The following ASPHD2 variants were observed in gnomAD, a reference collection of about 807,000 sequenced individuals.
ASPHD2 encodes aspartate beta-hydroxylase domain-containing protein 2.
A neutral mutation model predicts 34.6 loss-of-function variants in ASPHD2; 12 were observed. The observed-to-expected ratio is 0.35, with a 90% CI of 0.22 to 0.56. The LOEUF (loss-of-function observed/expected upper bound fraction) is 0.56. Ranked by LOEUF, ASPHD2 falls within the 20% of genes least tolerant of loss-of-function variation. The pLI is 0.87. For missense variants in ASPHD2, 375 were observed against 505.0 expected (o/e 0.74, Z 2.47); for synonymous variants, 224 against 212.2 (o/e 1.06, Z -0.48).
chr22:26,430,723 G>T (rs1446414252), intron 1 of ASPHD2, among the ~76,000 whole-genome samples: 2 of 152,216 alleles, frequency 1.3e-5, no homozygotes, highest in Non-Finnish European at 2.9e-5. Flanking sequence ...ACCTCCGGGT[G>T]CAGGGGCCTG....
At chr22:26,440,693 CCTTAG>C (rs1454208249) in intron 2 of ASPHD2, among the ~76,000 whole-genome samples, 1 of 152,164 alleles carries the variant, frequency 6.6e-6, no homozygotes, top group Non-Finnish European at 1.5e-5. Context: ...TAAGCCATTA[CCTTAG>C]AAGTGTCCTC....
chr22:26,442,372 C>T (rs2084854533), intron 2 of ASPHD2, 87 bp from the exon 3 acceptor site: 18 of 1,011,838 alleles, frequency 1.8e-5, no homozygotes, highest in Non-Finnish European at 2.5e-5. Context: ...AAGTCAAAAA[C>T]TCTCAGTAAG....
At chr22:26,439,329 G>T (rs2084821282) in intron 2 of ASPHD2, among the ~76,000 whole-genome samples, 1 of 152,136 alleles carries the variant, frequency 6.6e-6, no homozygotes. Context: ...AACCCAAGAG[G>T]CAGAGGCTGC....
intron 2 of ASPHD2, among the ~76,000 whole-genome samples, chr22:26,438,564 TACAC>T (rs1284612598): frequency 5.9e-5 from 8 of 135,080 alleles, no homozygotes; most frequent in East Asian, 2.2e-4. Context: ...CATACATATA[TACAC>T]ATACATATAT....
rs779139697 is a variant in ASPHD2, at chr22:26,433,893, T to C, written c.278T>C (p.Met93Thr). Residue 93 changes from methionine (M) to threonine (T), a missense_variant, in exon 2 of 4, where the codon ATG becomes ACG. Met to Thr is a moderately conservative substitution (Grantham distance 81, BLOSUM62 -1). Coordinates refer to ENST00000215906, the MANE Select transcript of ASPHD2 (RefSeq NM_020437.5). The surrounding 1 kb of genome is among the most constrained non-coding windows in gnomAD (Gnocchi z 5.1). Reference protein sequence around the residue: ...PRPYVSVNSLMQAADANGLQN... With the variant: ...PRPYVSVNSLTQAADANGLQN... Reference sequence around the variant, plus strand: ...CCCTACGTCTCCGTCAACTCCCTCATGCAGGCTGCCGATGCCAACGGGCTG... The same window carrying C: ...CCCTACGTCTCCGTCAACTCCCTCACGCAGGCTGCCGATGCCAACGGGCTG... The C allele has an allele frequency of 1.9e-6, 3 of 1,613,750 alleles. No individual in the cohort carries two copies. The highest frequency in any genetic ancestry group is 2.5e-6 in the Non-Finnish European group (3 of 1,180,032).
chr22:26,435,684 G>C (rs374516636), intron 2 of ASPHD2, among the ~76,000 whole-genome samples: 1 of 151,670 alleles, frequency 6.6e-6, no homozygotes, highest in South Asian at 2.1e-4. Flanking sequence ...AGTAAGATGT[G>C]GTTTGGATGG....
At chr22:26,441,465 A>C (rs886775667) in intron 2 of ASPHD2, among the ~76,000 whole-genome samples, 1 of 137,998 alleles carries the variant, frequency 7.2e-6, no homozygotes, top group South Asian at 2.5e-4. Context: ...GCAACAGAAC[A>C]AGACCTTGTA....
chr22:26,431,167 G>C (rs1022314297), intron 1 of ASPHD2, among the ~76,000 whole-genome samples: 1 of 152,198 alleles, frequency 6.6e-6, no homozygotes, highest in Non-Finnish European at 1.5e-5. Context: ...TTTAGTAAAA[G>C]TGCTTGGTGT....
intron 2 of ASPHD2, 22 bp downstream of exon 2, chr22:26,434,523 C>A: frequency 6.5e-7 from 1 of 1,543,314 alleles, no homozygotes; most frequent in South Asian, 1.2e-5. Context: ...GGACAGGGGT[C>A]TCCCGGCATG....
chr22:26,430,530 C>A (rs150280700), intron 1 of ASPHD2, among the ~76,000 whole-genome samples: 103 of 152,320 alleles, frequency 6.8e-4, no homozygotes, highest in African/African-American at 2.4e-3. Context: ...CTGGAAGCTA[C>A]TGTGGTCACT....
chr22:26,436,942 A>G (rs867379572), intron 2 of ASPHD2, among the ~76,000 whole-genome samples: 5 of 152,260 alleles, frequency 3.3e-5, no homozygotes, highest in South Asian at 2.1e-4. Flanking sequence ...GGTACTTGCC[A>G]GAAAAAGTAG....
At chr22:26,438,401 C>T (rs2084805850) in intron 2 of ASPHD2, among the ~76,000 whole-genome samples, 1 of 150,854 alleles carries the variant, frequency 6.6e-6, no homozygotes, top group South Asian at 2.1e-4. Flanking sequence ...AGGGACAGAA[C>T]TAATAGGATA....
In ASPHD2 at chr22:26,433,762, C is replaced by T; in HGVS notation, c.147C>T (p.Gly49=). The part of the protein sequence containing the change: ...LDGLRDCIAT[G]IQSVRDCDTT... Reference sequence around the variant, plus strand: ...GCCTGAGGGACTGCATCGCCACCGGCATCCAGTCCGTGCGGGACTGCGACA... The same window carrying T: ...GCCTGAGGGACTGCATCGCCACCGGTATCCAGTCCGTGCGGGACTGCGACA... Residue 49 remains glycine (G), a synonymous_variant, in exon 2 of 4, where the codon GGC becomes GGT. Coordinates refer to ENST00000215906, the MANE Select transcript of ASPHD2 (RefSeq NM_020437.5). The surrounding 1 kb of genome is among the most constrained non-coding windows in gnomAD (Gnocchi z 5.1). 2 of 1,613,830 alleles carry T rather than the reference C, an allele frequency of 1.2e-6. No individual in the cohort carries two copies. Among genetic ancestry groups the T allele is most frequent in the Non-Finnish European group, 1.7e-6 (2 of 1,180,028 alleles).
intron 2 of ASPHD2, among the ~76,000 whole-genome samples, chr22:26,435,283 C>T (rs2084783744): frequency 6.6e-6 from 1 of 152,118 alleles, no homozygotes; most frequent in Non-Finnish European, 1.5e-5. Context: ...GCACACAGAG[C>T]CTAAAATAGA....
At chr22:26,438,510 T>TACATATATAC (rs1568983907) in intron 2 of ASPHD2, among the ~76,000 whole-genome samples, 15 of 96,144 alleles carry the variant, frequency 1.6e-4, no homozygotes, top group South Asian at 3.8e-4. Context: ...TACATATATA[T>TACATATATAC]ACATACATAT....
In ASPHD2 at chr22:26,433,382, TCCATCCCAG is replaced by T; in HGVS notation, c.-224-9_-224-1del. The T allele has an allele frequency of 3.6e-6, 2 of 550,284 alleles. No homozygotes were observed. The highest frequency in any genetic ancestry group is 6.4e-6 in the Non-Finnish European group (2 of 314,078). The allele number at this position is 550,284 out of a possible 1,614,324, so 34.1% of individuals were successfully genotyped here. ...GTAAAATTTATGCTGATTTTTTTTTTCCATCCCAGGTTTGGTTTTCCTAAACAAATCCTT... is the reference window on the plus strand; with the variant it reads ...GTAAAATTTATGCTGATTTTTTTTTTGTTTGGTTTTCCTAAACAAATCCTT... On this transcript the variant is annotated splice_acceptor_variant and splice_polypyrimidine_tract_variant and intron_variant, in intron 1 of 3. Transcript: ENST00000215906. LOFTEE classifies it low-confidence loss of function (5UTR_SPLICE). This position sits in a 1 kb window ranked among gnomAD's most constrained non-coding sequence, Gnocchi z 5.1.
Position 26,434,424 on chromosome 22 carries a change from G to A in ASPHD2, c.809G>A (p.Cys270Tyr), listed in dbSNP as rs775505033. The change falls in exon 2 of 4, where the codon TGC becomes TAC. Residue 270 changes from cysteine (C) to tyrosine (Y), a missense_variant. This residue lies in a region of ASPHD2 where 142 missense variants were observed against 217.9 expected (regional missense o/e 0.65). Coordinates refer to ENST00000215906, the MANE Select transcript of ASPHD2 (RefSeq NM_020437.5). Reference sequence around the variant, plus strand: ...GGGAACAATGTTTTTGGGAACGCGTGCATCTCTGTGCTGAGCCCTGGGACT... The same window carrying A: ...GGGAACAATGTTTTTGGGAACGCGTACATCTCTGTGCTGAGCCCTGGGACT... ...CIGNNVFGNACISVLSPGTVI... is the reference protein window; with the variant it reads ...CIGNNVFGNAYISVLSPGTVI... 4.3e-6 allele frequency: 7 copies of A among 1,614,110 alleles called. No individual in the cohort carries two copies. Among genetic ancestry groups the A allele is most frequent in the Non-Finnish European group, 5.9e-6 (7 of 1,179,972 alleles).
intron 2 of ASPHD2, among the ~76,000 whole-genome samples, chr22:26,437,388 C>T (rs895015889): frequency 6.6e-6 from 1 of 152,160 alleles, no homozygotes; most frequent in Non-Finnish European, 1.5e-5. Flanking sequence ...CCCATTTGTT[C>T]GAGACATATT....
chr22:26,438,650 TAC>T (rs1318463766), intron 2 of ASPHD2, among the ~76,000 whole-genome samples: 629 of 53,914 alleles, frequency 0.012, 15 homozygotes, highest in African/African-American at 0.05. Context: ...TATATACACA[TAC>T]ATATATATAT....
Sources: gnomAD v4.1 joint callset for allele counts (sites outside exome capture counted in the v4.1 genomes callset) on GRCh38, gnomAD v4.1.1 for gene constraint, gnomAD v4.1.1 regional missense constraint, Gnocchi (gnomAD v3.1) non-coding constraint, MANE v1.5 for transcripts, NCBI Gene and HGNC (gene_info 2026-07-23, HGNC 2026-07-21) for gene names.